Variants in ERC1 observed in about 807,000 individuals in gnomAD.
ERC1 encodes RAB6 interacting protein 2.
A neutral mutation model predicts 132.0 loss-of-function variants in ERC1; 56 were observed. The ratio of observed to expected loss-of-function variants is 0.42; its 90% CI spans 0.34 to 0.53. ERC1 has a LOEUF of 0.53. ERC1 is among the 20% of genes least tolerant of loss of function. The pLI, the probability that ERC1 is intolerant of heterozygous loss-of-function variation, is 0.03. For missense variants in ERC1, 1,202 were observed against 1,349.9 expected, an observed-to-expected ratio of 0.89 and a Z score of 1.72; for synonymous variants, 478 against 476.1, an observed-to-expected ratio of 1.00 and a Z score of -0.05.
At position 1,418,727 on chromosome 12, in the gene ERC1, TG is replaced by T. The variant is rs1486275786; in HGVS notation, c.3024+10482del. Among the ~76,000 whole-genome samples the T allele has an allele frequency of 8.0e-4, 113 of 140,930 alleles. 2 individuals carry two copies. Among genetic ancestry groups the T allele is most frequent in the Admixed American group, 5.2e-4 (7 of 13,590 alleles). The allele number at this position is 140,930 out of a possible 152,430, so 92.5% of individuals were successfully genotyped here. Reference sequence around the variant, plus strand: ...CTTTCTTTCTTTCTTTCTTTCTTTTTGGAGACAGGATCTCTCTCTCTGTCGC... The same window carrying T: ...CTTTCTTTCTTTCTTTCTTTCTTTTTGAGACAGGATCTCTCTCTCTGTCGC... On this transcript the variant is annotated intron_variant, in intron 17 of 18. Transcript: ENST00000360905.
intron 14 of ERC1, among the ~76,000 whole-genome samples, chr12:1,287,414 C>A (rs2079108086): frequency 6.6e-6 from 1 of 152,192 alleles, no homozygotes; most frequent in Admixed American, 6.5e-5. Context: ...CGGATACTTG[C>A]TCCGACAGTA....
intron 13 of ERC1, among the ~76,000 whole-genome samples, chr12:1,247,375 A>G (rs903432419): frequency 1.3e-5 from 2 of 152,260 alleles, no homozygotes; most frequent in Admixed American, 6.5e-5. Context: ...TCATCTTACT[A>G]TGGTTATGTA....
chr12:1,190,011 T>C lies in ERC1; in HGVS notation c.2310T>C (p.Asn770=), dbSNP rs1277981001. ...TAGAAATCTTGAAGGAGGTGGAAAA[T>C]GAGAAGAATGACAAAGATAAGAAGA... ...RLLEILKEVE[N]EKNDKDKKIA... Residue 770 remains asparagine (N), a synonymous_variant, in exon 12 of 19, where the codon AAT becomes AAC. Transcript: ENST00000360905. The C allele has an allele frequency of 6.2e-7, 1 of 1,613,864 alleles. No homozygotes were observed. Among genetic ancestry groups the C allele is most frequent in the Admixed American group, 1.7e-5 (1 of 59,980 alleles).
At chr12:1,002,528 G>C (rs1352424526) in intron 1 of ERC1, among the ~76,000 whole-genome samples, 1 of 151,962 alleles carries the variant, frequency 6.6e-6, no homozygotes, top group Non-Finnish European at 1.5e-5. Context: ...TAATTCTTTT[G>C]TGTATTTGGC....
chr12:1,479,307 C>T (rs565243683), intron 18 of ERC1, among the ~76,000 whole-genome samples: 1 of 152,244 alleles, frequency 6.6e-6, no homozygotes, highest in South Asian at 2.1e-4. Flanking sequence ...CTCGTCTATT[C>T]ACATACACAC....
chr12:1,128,283 T>TGAGAGGCATGGGCACACTCTCCA (rs1321538366), intron 7 of ERC1, among the ~76,000 whole-genome samples: 1 of 152,186 alleles, frequency 6.6e-6, no homozygotes, highest in Non-Finnish European at 1.5e-5. Context: ...AAGGACGGAC[T>TGAGAGGCATGGGCACACTCTCCA]GAGAGGCATG....
Position 1,107,898 on chromosome 12 carries a change from C to G in ERC1, c.1162-2294C>G, listed in dbSNP as rs139769068. Among the ~76,000 whole-genome samples, 17 of 152,166 alleles carry G rather than the reference C, an allele frequency of 1.1e-4. No individual in the cohort carries two copies. The East Asian group carries it at 3.1e-3, about 28-fold the overall frequency. On this transcript the variant is annotated intron_variant, in intron 4 of 18. Coordinates refer to ENST00000360905, the MANE Select transcript of ERC1 (RefSeq NM_178040.4). ...AAGGTTGAGAATTTGGGGAATTTGA[C>G]AAAGAGCAGAGGATTTCAGTAAGTC...
At chr12:1,273,591 T>C (rs1027161508) in intron 14 of ERC1, among the ~76,000 whole-genome samples, 3 of 152,222 alleles carry the variant, frequency 2.0e-5, no homozygotes, top group Admixed American at 2.0e-4. Context: ...CACGTTTCTG[T>C]TGAACACTTA....
At chr12:1,224,617 T>C (rs984798997) in intron 12 of ERC1, among the ~76,000 whole-genome samples, 1 of 151,964 alleles carries the variant, frequency 6.6e-6, no homozygotes, top group Non-Finnish European at 1.5e-5. Context: ...GAAACAACTT[T>C]TAAAGAAAAT....
chr12:1,208,957 A>ATTTTTTTTTTTTTTTT (rs538961813), intron 12 of ERC1, among the ~76,000 whole-genome samples: 1 of 71,610 alleles, frequency 1.4e-5, no homozygotes, highest in African/African-American at 6.3e-5. Context: ...CGCCCAGCTG[A>ATTTTTTTTTTTTTTTT]TTTTTTTTTT....
At position 1,190,287 on chromosome 12, in the gene ERC1, G is replaced by C. The variant is rs964387922; in HGVS notation, c.2351+235G>C. On this transcript the variant is annotated intron_variant, in intron 12 of 18. Coordinates refer to ENST00000360905, the MANE Select transcript of ERC1 (RefSeq NM_178040.4). Reference sequence around the variant, plus strand: ...GCTATGGGCTGTAACATAATTGATTGGCAAAAAAGAGAGTATTCATTAATT... The same window carrying C: ...GCTATGGGCTGTAACATAATTGATTCGCAAAAAAGAGAGTATTCATTAATT... 4.8e-6 allele frequency: 3 copies of C among 622,852 alleles called. No individual in the cohort carries two copies. The African/African-American group carries it at 5.5e-5, about 11-fold the overall frequency. 38.6% of individuals were successfully genotyped at this position (622,852 alleles called of 1,614,324 possible). A position where few individuals can be genotyped will look rare whatever the true frequency, so the allele number is the denominator to read the frequency against.
chr12:1,414,126 C>T (rs182521580), intron 17 of ERC1, among the ~76,000 whole-genome samples: 2 of 152,228 alleles, frequency 1.3e-5, no homozygotes, highest in Non-Finnish European at 2.9e-5. Context: ...CTCGCTTGCC[C>T]GCCACTCCTC....
chr12:1,091,914 T>G (rs189281130), intron 3 of ERC1, among the ~76,000 whole-genome samples: 1 of 152,110 alleles, frequency 6.6e-6, no homozygotes, highest in Non-Finnish European at 1.5e-5. Context: ...CAAAGAATTA[T>G]GGGCTGGCAA....
Position 1,373,878 on chromosome 12 carries a change from T to C in ERC1, c.2925+1901T>C, listed in dbSNP as rs549454154. ...AGCTAAACAATTCTCAGTGTCTTTA[T>C]ATCAAACCACATGCCTTGAATTTTC... On this transcript the variant is annotated intron_variant, in intron 16 of 18. Coordinates refer to ENST00000360905, the MANE Select transcript of ERC1 (RefSeq NM_178040.4). Among the ~76,000 whole-genome samples, 6 of 152,384 alleles carry C rather than the reference T, an allele frequency of 3.9e-5. No homozygotes were observed. The East Asian group carries it at 1.2e-3, about 29-fold the overall frequency.
At chr12:1,429,927 T>C (rs182781142) in intron 17 of ERC1, among the ~76,000 whole-genome samples, 9 of 152,354 alleles carry the variant, frequency 5.9e-5, no homozygotes, top group Non-Finnish European at 1.2e-4. Context: ...TGTGGCAGCA[T>C]AAAACAACAA....
chr12:1,189,576 ACT>A (rs1566190458), intron 11 of ERC1, among the ~76,000 whole-genome samples: 1 of 152,118 alleles, frequency 6.6e-6, no homozygotes, highest in Non-Finnish European at 1.5e-5. Flanking sequence ...GTCTCACTAA[ACT>A]CTGAAGCATC....
At chr12:1,211,324 T>C (rs1304599723) in intron 12 of ERC1, among the ~76,000 whole-genome samples, 1 of 151,980 alleles carries the variant, frequency 6.6e-6, no homozygotes, top group African/African-American at 2.4e-5. Flanking sequence ...AATTTTGTAT[T>C]TTTAGGAGAG....
At chr12:1,405,528 A>AC (rs1212464175) in intron 16 of ERC1, among the ~76,000 whole-genome samples, 4 of 151,918 alleles carry the variant, frequency 2.6e-5, no homozygotes, top group Admixed American at 1.3e-4. Flanking sequence ...ACATAGTGAA[A>AC]CCCATCTCTG....
At chr12:1,062,607 A>G (rs1938241908) in intron 2 of ERC1, among the ~76,000 whole-genome samples, 1 of 152,308 alleles carries the variant, frequency 6.6e-6, no homozygotes, top group Non-Finnish European at 1.5e-5. Context: ...AAATTTGTTG[A>G]GACTTGTTTC....
Sources: gnomAD v4.1 joint callset for allele counts (sites outside exome capture counted in the v4.1 genomes callset) on GRCh38, gnomAD v4.1.1 for gene constraint, MANE v1.5 for transcripts, NCBI Gene and HGNC (gene_info 2026-07-23, HGNC 2026-07-21) for gene names.